Variants in TEX9 observed in about 807,000 individuals in gnomAD.
TEX9 encodes the protein testis-expressed protein 9.
TEX9 carries 74 observed loss-of-function variants against 59.6 expected under a neutral mutation model. The observed-to-expected ratio is 1.24, with a 90% CI of 1.03 to 1.51. The LOEUF is 1.51. Among genes scored for constraint, TEX9 ranks in the 40% most tolerant of loss-of-function variants. The probability of loss-of-function intolerance (pLI) is 0.00; values close to 1 mark genes in which losing one functional copy is unlikely to be tolerated. For synonymous variants in TEX9, 186 were observed against 152.2 expected, an observed-to-expected ratio of 1.22 and a Z score of -1.64; for missense variants, 522 against 447.8, an observed-to-expected ratio of 1.17 and a Z score of -1.49.
At chr15:56,281,781 C>T (rs772346793) in intron 1 of TEX9, among the ~76,000 whole-genome samples, 1 of 152,158 alleles carries the variant, frequency 6.6e-6, no homozygotes, top group Non-Finnish European at 1.5e-5. Flanking sequence ...TGCTTTCAGT[C>T]AGTTCTCATG....
intron 1 of TEX9, among the ~76,000 whole-genome samples, chr15:56,351,673 G>C (rs1232831730): frequency 6.6e-6 from 1 of 152,164 alleles, no homozygotes; most frequent in African/African-American, 2.4e-5. Flanking sequence ...TTTTGCAAAT[G>C]TCATGAATAA....
chr15:56,386,414 G>T lies in TEX9; in HGVS notation c.264-2058G>T, dbSNP rs569764182. ...CCTGTATATGTAAAAAGAGTATATT[G>T]TGTGATGTATCAATTATATCTCAAA... On this transcript the variant is annotated intron_variant, in intron 4 of 12. Coordinates refer to ENST00000352903, the Ensembl canonical transcript of TEX9. 2.6e-5 allele frequency among the ~76,000 whole-genome samples: 4 copies of T among 151,932 alleles called. No homozygotes were observed. In the East Asian group the frequency reaches 7.7e-4, roughly 29 times the overall value.
chr15:56,249,768 A>AAAAAG (rs2043969771), intron 1 of TEX9, among the ~76,000 whole-genome samples: 1 of 149,518 alleles, frequency 6.7e-6, no homozygotes, highest in Non-Finnish European at 1.5e-5. Context: ...AAAAAAAAAA[A>AAAAAG]GAGGAAAGAA....
intron 9 of TEX9, chr15:56,396,210 G>A (rs981161451): frequency 7.2e-5 from 11 of 151,990 alleles, no homozygotes; most frequent in South Asian, 2.1e-4. Flanking sequence ...TACATTTCTC[G>A]TTTGTATGGT....
intron 1 of TEX9, among the ~76,000 whole-genome samples, chr15:56,336,012 G>A (rs1183636115): frequency 2.0e-5 from 3 of 152,078 alleles, no homozygotes; most frequent in Non-Finnish European, 4.4e-5. Flanking sequence ...TACATTTATG[G>A]ATATTGATTT....
At chr15:56,342,014 C>G (rs2046381328) in intron 1 of TEX9, among the ~76,000 whole-genome samples, 1 of 151,826 alleles carries the variant, frequency 6.6e-6, no homozygotes, top group Non-Finnish European at 1.5e-5. Context: ...GATAAGTGAA[C>G]TTTTTCTATT....
chr15:56,434,191 T>C (rs749129123), intron 12 of TEX9: 7 of 1,613,778 alleles, frequency 4.3e-6, no homozygotes, highest in Non-Finnish European at 5.9e-6. Context: ...TCCACAGCCC[T>C]CCTGTGTTCC....
the TEX9 span, among the ~76,000 whole-genome samples, chr15:56,455,289 T>C: frequency 7.1e-6 from 1 of 139,868 alleles, no homozygotes; most frequent in Non-Finnish European, 1.5e-5. Flanking sequence ...TAACAGCTAA[T>C]GATGGTTGGA....
chr15:56,268,063 G>A (rs1267404723), intron 1 of TEX9, among the ~76,000 whole-genome samples: 1 of 152,118 alleles, frequency 6.6e-6, no homozygotes, highest in Non-Finnish European at 1.5e-5. Flanking sequence ...TGGATTCGTA[G>A]GTATTTTATT....
rs2050366000 is a variant in TEX9, at chr15:56,427,599, G to GTTTT, written c.964-5_964-4insTTTT. ...AAATATATGGCACTTTTTTTTCCTT[G>GTTTT]TGTAGGACATAGCAAATGAAGAACA... On this transcript the variant is annotated splice_region_variant and splice_polypyrimidine_tract_variant and intron_variant, in intron 10 of 12. Transcript: ENST00000352903. The GTTTT allele has an allele frequency of 2.0e-6, 3 of 1,500,136 alleles. No homozygotes were observed. The African/African-American group carries it at 4.3e-5, about 22-fold the overall frequency. The allele number at this position is 1,500,136 out of a possible 1,614,324, so 92.9% of individuals were successfully genotyped here. A position where few individuals can be genotyped will look rare whatever the true frequency, so the allele number is the denominator to read the frequency against.
chr15:56,444,746 G>A, intron 12 of TEX9: 1 of 1,207,472 alleles, frequency 8.3e-7, no homozygotes, highest in Non-Finnish European at 1.2e-6. Context: ...TTACACCAAT[G>A]TTATTGAATA....
chr15:56,274,921 C>G (rs973658040), intron 1 of TEX9, among the ~76,000 whole-genome samples: 2 of 152,256 alleles, frequency 1.3e-5, no homozygotes, highest in East Asian at 3.9e-4. Context: ...CCTAATCCCA[C>G]CCTCAGGTTT....
chr15:56,257,222 A>T (rs187012127), intron 1 of TEX9, among the ~76,000 whole-genome samples: 1 of 152,214 alleles, frequency 6.6e-6, no homozygotes, highest in East Asian at 1.9e-4. Context: ...GGTGTTTGCT[A>T]TTGTGAACAG....
chr15:56,367,675 AT>A (rs2047007943), intron 2 of TEX9, among the ~76,000 whole-genome samples: 1 of 152,142 alleles, frequency 6.6e-6, no homozygotes, highest in African/African-American at 2.4e-5. Context: ...ATGCTATTGA[AT>A]TTTCCACGAA....
chr15:56,335,177 A>G (rs1429922220), intron 1 of TEX9, among the ~76,000 whole-genome samples: 2 of 152,108 alleles, frequency 1.3e-5, no homozygotes, highest in Non-Finnish European at 2.9e-5. Flanking sequence ...GGAAATCAGT[A>G]TGTTGAACAG....
intron 1 of TEX9, among the ~76,000 whole-genome samples, chr15:56,287,355 T>G (rs529003462): frequency 6.6e-6 from 1 of 152,248 alleles, no homozygotes; most frequent in South Asian, 2.1e-4. Context: ...ACAAGACTCC[T>G]GGGTGAAAAG....
At chr15:56,385,870 C>G (rs2047937676) in intron 4 of TEX9, among the ~76,000 whole-genome samples, 1 of 152,014 alleles carries the variant, frequency 6.6e-6, no homozygotes, top group African/African-American at 2.4e-5. Context: ...GTATATTTGG[C>G]TCATGTGAAA....
intron 1 of TEX9, among the ~76,000 whole-genome samples, chr15:56,308,861 T>A (rs1272992735): frequency 6.6e-6 from 1 of 152,200 alleles, no homozygotes; most frequent in African/African-American, 2.4e-5. Flanking sequence ...TGACCATAAG[T>A]AGAAGGACTT....
chr15:56,329,587 G>C (rs1232734650), intron 1 of TEX9, among the ~76,000 whole-genome samples: 1 of 152,082 alleles, frequency 6.6e-6, no homozygotes, highest in Non-Finnish European at 1.5e-5. Flanking sequence ...ATTTAACAAA[G>C]AGATGGAAAT....
Sources: gnomAD v4.1 joint callset for allele counts (sites outside exome capture counted in the v4.1 genomes callset) on GRCh38, gnomAD v4.1.1 for gene constraint, MANE v1.5 for transcripts, NCBI Gene and HGNC (gene_info 2026-07-23, HGNC 2026-07-21) for gene names.